The following MAST4 variants were observed in gnomAD, a reference collection of about 807,000 sequenced individuals.
The protein encoded by MAST4 is microtubule-associated serine/threonine-protein kinase 4.
MAST4 carries 89 observed loss-of-function variants against 162.7 expected under a neutral mutation model. That is an observed-to-expected ratio of 0.55 (90% CI 0.46 to 0.65). The LOEUF (loss-of-function observed/expected upper bound fraction) is 0.65. MAST4 is among the 30% of genes least tolerant of loss of function. MAST4 has a pLI of 0.00. For synonymous variants in MAST4, 1,479 were observed against 1,361.1 expected, an observed-to-expected ratio of 1.09 and a Z score of -1.91; for missense variants, 3,153 against 3,374.0, an observed-to-expected ratio of 0.93 and a Z score of 1.62.
intron 4 of MAST4, among the ~76,000 whole-genome samples, chr5:66,935,471 C>G (rs1742634248): frequency 6.6e-6 from 1 of 152,020 alleles, no homozygotes; most frequent in Admixed American, 6.5e-5. Context: ...GTTATCCCTC[C>G]TTTAAATTCC....
chr5:67,030,154 T>C (rs1003186556), intron 4 of MAST4, among the ~76,000 whole-genome samples: 4 of 152,140 alleles, frequency 2.6e-5, no homozygotes, highest in Non-Finnish European at 5.9e-5. Flanking sequence ...TCTAAATATT[T>C]TGTATACATA....
At chr5:66,886,072 G>A (rs181543692) in intron 3 of MAST4, among the ~76,000 whole-genome samples, 10 of 152,164 alleles carry the variant, frequency 6.6e-5, no homozygotes, top group Middle Eastern at 3.4e-3. Flanking sequence ...ATGGAAAGTC[G>A]AGGCTGGCAC....
chr5:66,701,517 GC>G (rs1749775485), intron 1 of MAST4, among the ~76,000 whole-genome samples: 1 of 152,148 alleles, frequency 6.6e-6, no homozygotes, highest in South Asian at 2.1e-4. Context: ...GGTACATTAG[GC>G]CTTGGTTTTC....
intron 3 of MAST4, among the ~76,000 whole-genome samples, chr5:66,863,157 T>C (rs1376230522): frequency 1.3e-5 from 2 of 152,028 alleles, no homozygotes; most frequent in South Asian, 2.1e-4. Flanking sequence ...AAAAGAAAAA[T>C]CCCAGTGATT....
At chr5:66,626,642 G>A (rs1744448221) in intron 1 of MAST4, among the ~76,000 whole-genome samples, 1 of 152,198 alleles carries the variant, frequency 6.6e-6, no homozygotes, top group Non-Finnish European at 1.5e-5. Flanking sequence ...AAGACTGTAA[G>A]CAGTGTTTCC....
chr5:67,091,819 A>T (rs1763896162), intron 6 of MAST4, among the ~76,000 whole-genome samples: 1 of 152,194 alleles, frequency 6.6e-6, no homozygotes, highest in African/African-American at 2.4e-5. Flanking sequence ...CCCCCCAGGC[A>T]TGTTAATTTT....
At chr5:66,805,935 C>T (rs896868834) in intron 3 of MAST4, among the ~76,000 whole-genome samples, 1 of 152,172 alleles carries the variant, frequency 6.6e-6, no homozygotes, top group Non-Finnish European at 1.5e-5. Context: ...GACCAAGCTT[C>T]CTTTTAATTT....
chr5:66,600,730 C>T (rs547570535), intron 1 of MAST4, among the ~76,000 whole-genome samples: 1 of 152,248 alleles, frequency 6.6e-6, no homozygotes, highest in African/African-American at 2.4e-5. Flanking sequence ...ACAATTTTTC[C>T]AGGTAAATTT....
At chr5:67,135,075 G>A (rs1035112628) in intron 18 of MAST4, among the ~76,000 whole-genome samples, 2 of 152,114 alleles carry the variant, frequency 1.3e-5, no homozygotes, top group East Asian at 1.9e-4. Flanking sequence ...TACATAAATA[G>A]GGAAAATGGC....
intron 4 of MAST4, among the ~76,000 whole-genome samples, chr5:66,990,807 G>C (rs1749993026): frequency 6.6e-6 from 1 of 152,068 alleles, no homozygotes; most frequent in African/African-American, 2.4e-5. Context: ...ATATGTTCTA[G>C]AGTTTCCTGG....
chr5:66,610,576 C>T (rs573378506), intron 1 of MAST4, among the ~76,000 whole-genome samples: 6 of 152,338 alleles, frequency 3.9e-5, no homozygotes, highest in African/African-American at 4.8e-5. Flanking sequence ...GGGTGCAGTG[C>T]GGCCTCTAGC....
At chr5:66,798,755 T>C (rs1318054789) in intron 3 of MAST4, among the ~76,000 whole-genome samples, 1 of 152,212 alleles carries the variant, frequency 6.6e-6, no homozygotes, top group East Asian at 1.9e-4. Context: ...CTCTTAAGTA[T>C]GAAATATCTC....
intron 4 of MAST4, among the ~76,000 whole-genome samples, chr5:67,045,966 C>T (rs1167423630): frequency 6.6e-6 from 1 of 152,182 alleles, no homozygotes; most frequent in African/African-American, 2.4e-5. Context: ...ACTCCTGTCT[C>T]TCTGGGCCTG....
At chr5:66,950,460 A>G (rs187167005) in intron 4 of MAST4, among the ~76,000 whole-genome samples, 1 of 152,100 alleles carries the variant, frequency 6.6e-6, no homozygotes, top group African/African-American at 2.4e-5. Context: ...TAGCCATTCC[A>G]CTTTGTCTCT....
intron 4 of MAST4, among the ~76,000 whole-genome samples, chr5:66,900,868 T>C (rs984581938): frequency 2.8e-4 from 42 of 152,170 alleles, no homozygotes; most frequent in African/African-American, 8.4e-4. Flanking sequence ...ATTCATCAGC[T>C]GTGAACATTT....
chr5:66,647,404 C>A (rs1177799862), intron 1 of MAST4, among the ~76,000 whole-genome samples: 2 of 151,854 alleles, frequency 1.3e-5, no homozygotes, highest in Non-Finnish European at 2.9e-5. Context: ...GTTTTCATTG[C>A]AAAATATCTA....
intron 4 of MAST4, among the ~76,000 whole-genome samples, chr5:66,915,713 C>T (rs567470829): frequency 6.6e-6 from 1 of 152,220 alleles, no homozygotes; most frequent in East Asian, 1.9e-4. Flanking sequence ...TCAGTGCTGT[C>T]TTGGGGACAC....
At chr5:67,065,762 A>T (rs151237300) in intron 5 of MAST4, among the ~76,000 whole-genome samples, 1 of 152,252 alleles carries the variant, frequency 6.6e-6, no homozygotes, top group African/African-American at 2.4e-5. Flanking sequence ...GCATAATTGT[A>T]GTTTCAGCTT....
At chr5:66,645,051 A>G (rs911587178) in intron 1 of MAST4, among the ~76,000 whole-genome samples, 1 of 152,064 alleles carries the variant, frequency 6.6e-6, no homozygotes, top group Non-Finnish European at 1.5e-5. Flanking sequence ...GCCCAGAGTC[A>G]AACAGAAAGT....
Sources: allele counts gnomAD v4.1 joint callset (sites outside exome capture counted in the v4.1 genomes callset), GRCh38; gene constraint gnomAD v4.1.1; transcripts MANE v1.5; gene names NCBI Gene and HGNC (gene_info 2026-07-23, HGNC 2026-07-21).